The following TAFA4 variants were observed in gnomAD, a reference collection of about 807,000 sequenced individuals.
The protein encoded by TAFA4 is chemokine-like protein TAFA-4.
In TAFA4, 20 loss-of-function variants were observed where a neutral mutation model predicts 21.1. That is an observed-to-expected ratio of 0.95 (90% confidence interval 0.67 to 1.38). The LOEUF (loss-of-function observed/expected upper bound fraction) is 1.38, where lower values mean the gene tolerates loss of function less well. TAFA4 is among the 40% of genes most tolerant of loss of function. TAFA4 has a pLI of 0.00. For missense variants in TAFA4, 211 were observed against 180.9 expected (o/e 1.17, Z -0.95); for synonymous variants, 71 against 67.4 (o/e 1.05, Z -0.26).
At chr3:68,765,981 C>T (rs1374371449) in intron 3 of TAFA4, among the ~76,000 whole-genome samples, 2 of 152,054 alleles carry the variant, frequency 1.3e-5, no homozygotes, top group Non-Finnish European at 2.9e-5. Context: ...TCAGAGAGTC[C>T]ATGCTTCCAT....
rs922668135 is a variant in TAFA4 at position 68,845,727 on chromosome 3, C to A, written c.130+35003G>T. 2.0e-5 allele frequency among the ~76,000 whole-genome samples: 3 copies of A among 152,182 alleles called. No homozygotes were observed. The East Asian group carries it at 5.8e-4, about 29-fold the overall frequency. ...AAGGCTGGCCTGGTGGTGATAAAAT[C>A]TCTCAGCATTTGCTTGTCTGTAAAG... On this transcript the variant is annotated intron_variant, in intron 3 of 5. Coordinates refer to ENST00000295569, the MANE Select transcript of TAFA4 (RefSeq NM_182522.5).
At chr3:68,899,738 A>G (rs2089825959) in intron 1 of TAFA4, among the ~76,000 whole-genome samples, 1 of 152,186 alleles carries the variant, frequency 6.6e-6, no homozygotes, top group Non-Finnish European at 1.5e-5. Flanking sequence ...CACACACTTT[A>G]GGAGACTTCC....
chr3:68,741,652 G>T (rs543443014), intron 4 of TAFA4, among the ~76,000 whole-genome samples: 4 of 151,984 alleles, frequency 2.6e-5, no homozygotes, highest in Admixed American at 2.0e-4. Flanking sequence ...AAAGCCAGGC[G>T]TGGTGGCCGG....
chr3:68,814,947 T>C (rs1703932817), intron 3 of TAFA4, among the ~76,000 whole-genome samples: 1 of 152,162 alleles, frequency 6.6e-6, no homozygotes, highest in African/African-American at 2.4e-5. Context: ...AACAGCATGG[T>C]GCAGGTACCA....
chr3:68,817,454 C>T (rs1025843364), intron 3 of TAFA4, among the ~76,000 whole-genome samples: 6 of 152,118 alleles, frequency 3.9e-5, no homozygotes, highest in African/African-American at 1.4e-4. Flanking sequence ...GATCTTTTGA[C>T]CTCCTCCCAT....
intron 1 of TAFA4, among the ~76,000 whole-genome samples, chr3:68,919,574 G>C (rs1258565952): frequency 6.6e-6 from 1 of 152,090 alleles, no homozygotes; most frequent in East Asian, 1.9e-4. Context: ...TAAGTTTAAA[G>C]CTAAATTAAT....
intron 1 of TAFA4, among the ~76,000 whole-genome samples, chr3:68,901,674 C>T (rs1575664872): frequency 6.6e-6 from 1 of 152,160 alleles, no homozygotes; most frequent in African/African-American, 2.4e-5. Flanking sequence ...ACATTTATTT[C>T]TACTACTGCA....
intron 1 of TAFA4, among the ~76,000 whole-genome samples, chr3:68,918,222 C>A: frequency 6.7e-6 from 1 of 150,364 alleles, no homozygotes; most frequent in East Asian, 1.9e-4. Context: ...GGAACACATT[C>A]ACTGTATGGT....
chr3:68,903,604 A>G (rs1203512472), intron 1 of TAFA4, among the ~76,000 whole-genome samples: 3 of 152,238 alleles, frequency 2.0e-5, no homozygotes, highest in African/African-American at 7.2e-5. Context: ...ACATTTCCAT[A>G]TAATGGCTTC....
chr3:68,806,894 C>G (rs1239982315), intron 3 of TAFA4, among the ~76,000 whole-genome samples: 1 of 152,136 alleles, frequency 6.6e-6, no homozygotes, highest in Non-Finnish European at 1.5e-5. Context: ...TCAAGCCACT[C>G]GGTATATGGT....
intron 3 of TAFA4, among the ~76,000 whole-genome samples, chr3:68,815,112 T>C (rs1703939737): frequency 6.6e-6 from 1 of 152,234 alleles, no homozygotes; most frequent in Admixed American, 6.5e-5. Context: ...GCTAGCCATA[T>C]GTAGAAAGCT....
intron 3 of TAFA4, among the ~76,000 whole-genome samples, chr3:68,858,738 C>T (rs184157483): frequency 1.2e-3 from 178 of 152,160 alleles, no homozygotes; most frequent in African/African-American, 3.1e-3. Context: ...TGTAACGTCA[C>T]ACAGCTAGTC....
intron 3 of TAFA4, among the ~76,000 whole-genome samples, chr3:68,870,870 T>C (rs2089473939): frequency 6.6e-6 from 1 of 152,180 alleles, no homozygotes; most frequent in Non-Finnish European, 1.5e-5. Flanking sequence ...TTGCTGAGAA[T>C]GATGGTTTCC....
intron 3 of TAFA4, among the ~76,000 whole-genome samples, chr3:68,869,736 C>A (rs537963865): frequency 6.6e-6 from 1 of 152,038 alleles, no homozygotes. Context: ...CCATACGTAA[C>A]AAACCCACAG....
At chr3:68,808,290 C>T (rs1346653081) in intron 3 of TAFA4, among the ~76,000 whole-genome samples, 1 of 152,134 alleles carries the variant, frequency 6.6e-6, no homozygotes, top group Non-Finnish European at 1.5e-5. Flanking sequence ...GGCCCTCAAC[C>T]GTCCCACCTG....
At chr3:68,810,435 G>A (rs1024374796) in intron 3 of TAFA4, among the ~76,000 whole-genome samples, 1 of 152,192 alleles carries the variant, frequency 6.6e-6, no homozygotes, top group Admixed American at 6.5e-5. Context: ...AAAGAAAGGG[G>A]TGACAGACGG....
chr3:68,916,893 C>A (rs2090009256), intron 1 of TAFA4, among the ~76,000 whole-genome samples: 1 of 152,152 alleles, frequency 6.6e-6, no homozygotes, highest in Admixed American at 6.5e-5. Flanking sequence ...CTAGAAATAA[C>A]CACCCAAAAC....
chr3:68,852,318 C>T (rs534868983), intron 3 of TAFA4, among the ~76,000 whole-genome samples: 14 of 152,230 alleles, frequency 9.2e-5, no homozygotes, highest in Non-Finnish European at 2.1e-4. Flanking sequence ...ACTTTCTTCT[C>T]CCTCTCTGGG....
intron 4 of TAFA4, among the ~76,000 whole-genome samples, chr3:68,741,067 G>T (rs6795777): frequency 0.58 from 88,494 of 152,028 alleles, 26,362 homozygotes; most frequent in South Asian, 0.79. Flanking sequence ...TAATATAATT[G>T]GAATCGGGCT....
Sources: gnomAD v4.1 joint callset for allele counts (sites outside exome capture counted in the v4.1 genomes callset) on GRCh38, gnomAD v4.1.1 for gene constraint, MANE v1.5 for transcripts, NCBI Gene and HGNC (gene_info 2026-07-23, HGNC 2026-07-21) for gene names.